Variants in LRIG2 observed in about 807,000 individuals in gnomAD.
LRIG2 encodes leucine-rich repeats and immunoglobulin-like domains protein 2.
LRIG2 carries 93 observed loss-of-function variants against 107.8 expected under a neutral mutation model. The observed-to-expected ratio is 0.86, with a 90% CI of 0.73 to 1.03. The LOEUF (loss-of-function observed/expected upper bound fraction) is 1.03. Among genes scored for constraint, LRIG2 ranks in the 50% least tolerant of loss-of-function variants. The pLI is 0.00. For synonymous variants in LRIG2, 471 were observed against 470.6 expected (o/e 1.00, Z -0.01); for missense variants, 1,226 against 1,296.0 (o/e 0.95, Z 0.83).
chr1:113,111,724 T>C (rs1654783050), intron 13 of LRIG2, among the ~76,000 whole-genome samples: 1 of 152,220 alleles, frequency 6.6e-6, no homozygotes, highest in African/African-American at 2.4e-5. Flanking sequence ...GATGTACTTA[T>C]GTTTTGCTTC....
chr1:113,122,276 AG>A (rs1211868080), intron 17 of LRIG2, among the ~76,000 whole-genome samples: 1 of 151,692 alleles, frequency 6.6e-6, no homozygotes, highest in African/African-American at 2.4e-5. Context: ...TAGTGGAGAC[AG>A]GGTTTCACCA....
intron 17 of LRIG2, among the ~76,000 whole-genome samples, chr1:113,119,782 A>C (rs1047579163): frequency 6.6e-6 from 1 of 152,130 alleles, no homozygotes; most frequent in African/African-American, 2.4e-5. Context: ...GGCCATACAC[A>C]AAAAGCTTTT....
At chr1:113,075,830 G>A (rs1652954566) in intron 1 of LRIG2, among the ~76,000 whole-genome samples, 1 of 151,370 alleles carries the variant, frequency 6.6e-6, no homozygotes, top group Admixed American at 6.6e-5. Context: ...CAAGTAGCTG[G>A]GATTACAGGC....
At chr1:113,117,484 ACT>A (rs1655068535) in intron 16 of LRIG2, among the ~76,000 whole-genome samples, 1 of 151,618 alleles carries the variant, frequency 6.6e-6, no homozygotes, top group Admixed American at 6.6e-5. Flanking sequence ...AGTAGTTCTG[ACT>A]CTTTTTTTTG....
chr1:113,073,796 T>A (rs1311364141), intron 1 of LRIG2, 151 bp downstream of exon 1: 1 of 743,754 alleles, frequency 1.3e-6, no homozygotes, highest in East Asian at 2.7e-5. Context: ...GAACTTTGTT[T>A]TAGGTGGTGG....
intron 1 of LRIG2, among the ~76,000 whole-genome samples, chr1:113,076,330 C>A (rs567611196): frequency 9.2e-5 from 14 of 152,314 alleles, no homozygotes; most frequent in African/African-American, 3.4e-4. Context: ...ATTTAAGATT[C>A]TCCGTTGGTT....
intron 1 of LRIG2, among the ~76,000 whole-genome samples, chr1:113,085,577 C>T (rs761898565): frequency 1.3e-5 from 2 of 152,172 alleles, no homozygotes; most frequent in Non-Finnish European, 1.5e-5. Context: ...AACCACTGTG[C>T]GCGGTCTATC....
rs57347974 is a variant in LRIG2, at chr1:113,121,742, C to CA, written c.2972-2120dup. Among the ~76,000 whole-genome samples the CA allele has an allele frequency of 4.5e-3, 529 of 118,090 alleles. 2 individuals are homozygous for CA. The highest frequency in any genetic ancestry group is 0.011 in the African/African-American group (341 of 31,730). 77.5% of individuals were successfully genotyped at this position (118,090 alleles called of 152,430 possible). On this transcript the variant is annotated intron_variant, in intron 17 of 17. Transcript: ENST00000361127. ...TAGACATCAGGGTGAGACTCTGTCT[C>CA]AAAAAAAAAAAAAGACAGGGTAGGA...
chr1:113,105,542 T>C (rs1374260416), intron 11 of LRIG2, among the ~76,000 whole-genome samples: 4 of 152,214 alleles, frequency 2.6e-5, no homozygotes, highest in African/African-American at 9.6e-5. Flanking sequence ...AGAGGGATTT[T>C]AATAAATGTT....
At position 113,126,863 on chromosome 1, in the gene LRIG2, T is replaced by A. The variant is rs954604512; in HGVS notation, c.*2762T>A. On this transcript the variant is annotated 3_prime_UTR_variant, in exon 18 of 18. Coordinates refer to ENST00000361127, the MANE Select transcript of LRIG2 (RefSeq NM_014813.3). ...AGCCTGTAATCTTCATCACTCAGGT[T>A]ATTTGCAAGTAGAAAGCTTCTGGAA... 2 of 164,262 alleles carry A rather than the reference T, an allele frequency of 1.2e-5. No individual in the cohort carries two copies. The highest frequency in any genetic ancestry group is 6.5e-5 in the Admixed American group (1 of 15,292). 10.2% of individuals were successfully genotyped at this position (164,262 alleles called of 1,614,324 possible). A position where few individuals can be genotyped will look rare whatever the true frequency, so the allele number is the denominator to read the frequency against.
Position 113,125,858 on chromosome 1 carries a change from T to C in LRIG2, c.*1757T>C, listed in dbSNP as rs1655467501. On this transcript the variant is annotated 3_prime_UTR_variant, in exon 18 of 18. Transcript: ENST00000361127. ...TGAAATTCTGTGAACAGGAATTCTT[T>C]TGGTAGTGAAATAGGTGCTCACACC... 6.6e-6 allele frequency: 1 copy of C among 152,240 alleles called. No homozygotes were observed. Among genetic ancestry groups the C allele is most frequent in the South Asian group, 2.1e-4 (1 of 4,832 alleles). The allele number at this position is 152,240 out of a possible 1,614,324, so 9.4% of individuals were successfully genotyped here.
intron 1 of LRIG2, among the ~76,000 whole-genome samples, chr1:113,089,939 C>T (rs1218491113): frequency 6.6e-6 from 1 of 151,816 alleles, no homozygotes; most frequent in Non-Finnish European, 1.5e-5. Flanking sequence ...GGGTGATCCA[C>T]CCGCCTTGGC....
intron 1 of LRIG2, among the ~76,000 whole-genome samples, chr1:113,076,982 C>A (rs1351077284): frequency 6.6e-6 from 1 of 152,052 alleles, no homozygotes. Context: ...GAACCCCTTT[C>A]CCCCAATGAT....
intron 17 of LRIG2, 148 bp from the exon 18 acceptor site, chr1:113,123,727 T>TTGTGTGTG (rs66524955): frequency 0.073 from 43,381 of 590,354 alleles, 726 homozygotes; most frequent in Admixed American, 0.12. Flanking sequence ...GTGGTGGTTT[T>TTGTGTGTG]TGTGTGTGTG....
Position 113,073,203 on chromosome 1 carries a change from A to G in LRIG2, c.-204A>G, listed in dbSNP as rs1652765511. The G allele has an allele frequency of 1.7e-6, 1 of 581,558 alleles. No individual in the cohort carries two copies. Among genetic ancestry groups the G allele is most frequent in the Non-Finnish European group, 3.1e-6 (1 of 325,358 alleles). 36.0% of individuals were successfully genotyped at this position (581,558 alleles called of 1,614,324 possible). A position where few individuals can be genotyped will look rare whatever the true frequency, so the allele number is the denominator to read the frequency against. On this transcript the variant is annotated 5_prime_UTR_variant, in exon 1 of 18. Transcript: ENST00000361127. Reference sequence around the variant, plus strand: ...GTTGCGCCGTGGGGAGGGGCGGACGAGAGGTGTCCGTCAGGCCGTGTGTCC... The same window carrying G: ...GTTGCGCCGTGGGGAGGGGCGGACGGGAGGTGTCCGTCAGGCCGTGTGTCC...
At position 113,110,294 on chromosome 1, in the gene LRIG2, A is replaced by G. The variant is rs1378771904; in HGVS notation, c.1530A>G (p.Leu510=). The part of the protein sequence containing the change: ...IRTHPETIIA[L]RGMNVTLTCT... ...CACATCCTGAAACCATAATTGCTCT[A>G]AGAGGCATGAATGTGACTCTGACGT... The change falls in exon 13 of 18, where the codon CTA becomes CTG. Residue 510 remains leucine, a synonymous_variant. Transcript: ENST00000361127. 1.9e-6 allele frequency: 3 copies of G among 1,614,132 alleles called. No homozygotes were observed. Among genetic ancestry groups the G allele is most frequent in the South Asian group, 2.2e-5 (2 of 91,064 alleles).
In LRIG2 at chr1:113,112,486, A is replaced by G. The variant is rs1336966940; in HGVS notation, c.1806A>G (p.Pro602=). 3 of 1,597,014 alleles carry G rather than the reference A, an allele frequency of 1.9e-6. No individual in the cohort carries two copies. Among genetic ancestry groups the G allele is most frequent in the Middle Eastern group, 1.7e-4 (1 of 5,998 alleles). The part of the protein sequence containing the change: ...QKAKLTVNEM[P]SFLKTPMDLT... The stretch of plus-strand genomic sequence containing the variant: ...TGATTTTTCTGGAAACAGAGATGCC[A>G]TCTTTTCTGAAAACGCCAATGGATC... The change falls in exon 14 of 18, where the codon CCA becomes CCG. Residue 602 remains proline, a synonymous_variant. Transcript: ENST00000361127.
intron 17 of LRIG2, among the ~76,000 whole-genome samples, chr1:113,120,640 A>G (rs963818367): frequency 6.6e-6 from 1 of 151,074 alleles, no homozygotes; most frequent in Non-Finnish European, 1.5e-5. Context: ...CCTCCTGAGT[A>G]GCTGGGATTA....
chr1:113,104,876 G>A (rs984868330), intron 11 of LRIG2, among the ~76,000 whole-genome samples: 40 of 152,088 alleles, frequency 2.6e-4, no homozygotes, highest in African/African-American at 7.5e-4. Context: ...AACCGGGCAC[G>A]ATGGCTCATG....
Sources: gnomAD v4.1 joint callset for allele counts (sites outside exome capture counted in the v4.1 genomes callset) on GRCh38, gnomAD v4.1.1 for gene constraint, MANE v1.5 for transcripts, NCBI Gene and HGNC (gene_info 2026-07-23, HGNC 2026-07-21) for gene names.